Variants in PTPDC1 observed in about 807,000 individuals in gnomAD.
PTPDC1 encodes the protein protein tyrosine phosphatase domain-containing protein 1.
A neutral mutation model predicts 75.3 loss-of-function variants in PTPDC1; 53 were observed. That is an observed-to-expected ratio of 0.70 (90% CI 0.56 to 0.88). The LOEUF (loss-of-function observed/expected upper bound fraction) is 0.88, where lower values mean the gene tolerates loss of function less well. Among genes scored for constraint, PTPDC1 ranks in the 40% least tolerant of loss-of-function variants. The pLI, the probability that PTPDC1 is intolerant of heterozygous loss-of-function variation, is 0.00. For synonymous variants in PTPDC1, 349 were observed against 366.2 expected (o/e 0.95, Z 0.54); for missense variants, 925 against 998.6 (o/e 0.93, Z 0.99).
Position 94,084,755 on chromosome 9 carries a change from C to T in PTPDC1, c.225C>T (p.Phe75=), listed in dbSNP as rs563077003. The T allele has an allele frequency of 5.2e-5, 82 of 1,573,894 alleles. No individual in the cohort carries two copies. Among genetic ancestry groups the T allele is most frequent in the Non-Finnish European group, 6.6e-5 (77 of 1,163,756 alleles). ...SVSHAEGNPT[F]PERKSKGNLE... is the part of the protein sequence containing the mutation. ...GCCATGCAGAGGGAAACCCAACTTT[C>T]CCCGAAAGAAAAAGTAAAGGTCTCT... is the stretch of plus-strand genomic sequence containing the variant. Residue 75 remains phenylalanine, a synonymous_variant, in exon 1 of 9, where the codon TTC becomes TTT. Coordinates refer to ENST00000620992, the MANE Select transcript of PTPDC1 (RefSeq NM_001253829.2).
chr9:94,105,829 T>C (rs1204997172), intron 8 of PTPDC1, among the ~76,000 whole-genome samples: 2 of 150,992 alleles, frequency 1.3e-5, no homozygotes, highest in African/African-American at 4.9e-5. Context: ...AAAAATTAAC[T>C]GGGTATGGTG....
intron 1 of PTPDC1, among the ~76,000 whole-genome samples, chr9:94,044,726 C>CTT (rs71511684): frequency 0.27 from 40,141 of 147,232 alleles, 6,034 homozygotes; most frequent in East Asian, 0.42. Flanking sequence ...ATACCTTTCT[C>CTT]TTTTTTTTTT....
intron 2 of PTPDC1, among the ~76,000 whole-genome samples, chr9:94,077,215 C>T (rs1469730466): frequency 1.3e-5 from 2 of 152,216 alleles, no homozygotes; most frequent in Admixed American, 1.3e-4. Flanking sequence ...TCCTGCTACA[C>T]TCTCATAACA....
chr9:94,042,680 A>C (rs777293515), intron 1 of PTPDC1, among the ~76,000 whole-genome samples: 43 of 152,130 alleles, frequency 2.8e-4, no homozygotes, highest in Non-Finnish European at 4.7e-4. Context: ...GGTGGCTGTG[A>C]CTGTTTCTTA....
chr9:94,107,206 G>A (rs1267405167), intron 8 of PTPDC1, among the ~76,000 whole-genome samples: 1 of 152,082 alleles, frequency 6.6e-6, no homozygotes, highest in African/African-American at 2.4e-5. Context: ...CTCCCACCTC[G>A]GCCTCCTAAA....
upstream of PTPDC1, among the ~76,000 whole-genome samples, chr9:94,080,124 A>G (rs1399072153): frequency 1.3e-5 from 2 of 152,190 alleles, no homozygotes; most frequent in African/African-American, 4.8e-5. Flanking sequence ...TGAGGAGAGC[A>G]TCTACCCAGG....
At chr9:94,058,340 A>G (rs985727289) in intron 1 of PTPDC1, among the ~76,000 whole-genome samples, 2 of 152,176 alleles carry the variant, frequency 1.3e-5, no homozygotes, top group Non-Finnish European at 2.9e-5. Flanking sequence ...GCAAGTAGGT[A>G]GTATGATTAT....
At chr9:94,047,162 T>G (rs1209659410) in intron 1 of PTPDC1, among the ~76,000 whole-genome samples, 5 of 152,240 alleles carry the variant, frequency 3.3e-5, no homozygotes, top group Non-Finnish European at 4.4e-5. Flanking sequence ...GATTTGTGTA[T>G]GTTGAACCAG....
rs1825340240 is a variant in PTPDC1, at chr9:94,038,457, T to A, written c.-7+7330T>A. The A allele has an allele frequency of 1.3e-5, 4 of 316,792 alleles. No individual in the cohort carries two copies. The South Asian group carries it at 1.7e-4, about 14-fold the overall frequency. 19.6% of individuals were successfully genotyped at this position (316,792 alleles called of 1,614,324 possible). ...AGATCGTGAATTACTGACAGAATAT[T>A]TTATTGGGCCGTCCTGATTTAAAAC... On this transcript the variant is annotated intron_variant, in intron 1 of 9. Coordinates refer to the PTPDC1 transcript ENST00000375360.
chr9:94,066,718 C>T (rs1279763240), intron 2 of PTPDC1, among the ~76,000 whole-genome samples: 2 of 151,784 alleles, frequency 1.3e-5, no homozygotes, highest in Non-Finnish European at 2.9e-5. Flanking sequence ...CCACCACGCC[C>T]GGCTCATTTT....
intron 8 of PTPDC1, among the ~76,000 whole-genome samples, chr9:94,106,053 T>C (rs576199726): frequency 6.6e-6 from 1 of 152,252 alleles, no homozygotes; most frequent in East Asian, 1.9e-4. Flanking sequence ...AATATAGTTA[T>C]AGATAAAATT....
Position 94,108,079 on chromosome 9 carries a change from T to G in PTPDC1, c.*135T>G. On this transcript the variant is annotated 3_prime_UTR_variant, in exon 9 of 9. Transcript: ENST00000620992. The stretch of plus-strand genomic sequence containing the variant: ...GAATGTTGTTAGTTTGTGCTGAGAA[T>G]GGTCGTCCGTATTTGAACCAATTAT... The G allele has an allele frequency of 2.3e-6, 1 of 444,068 alleles. No homozygotes were observed. The allele number at this position is 444,068 out of a possible 1,614,324, so 27.5% of individuals were successfully genotyped here.
chr9:94,048,794 G>A (rs1260485078), intron 1 of PTPDC1, among the ~76,000 whole-genome samples: 2 of 151,978 alleles, frequency 1.3e-5, no homozygotes, highest in Admixed American at 1.3e-4. Flanking sequence ...TGTCTAATGG[G>A]GATAGTGGGG....
intron 4 of PTPDC1, among the ~76,000 whole-genome samples, chr9:94,093,151 C>T (rs1478789409): frequency 2.6e-5 from 4 of 152,002 alleles, no homozygotes; most frequent in African/African-American, 9.7e-5. Flanking sequence ...TTATTTTGCT[C>T]GTTAGTTGAT....
At chr9:94,083,888 C>A (rs1219248791), upstream of PTPDC1, among the ~76,000 whole-genome samples, 1 of 152,170 alleles carries the variant, frequency 6.6e-6, no homozygotes, top group Non-Finnish European at 1.5e-5. Flanking sequence ...TAAATGTCTT[C>A]TGATAATATA....
intron 7 of PTPDC1, among the ~76,000 whole-genome samples, chr9:94,102,642 C>T (rs1219630165): frequency 1.3e-5 from 2 of 152,016 alleles, no homozygotes; most frequent in African/African-American, 4.8e-5. Context: ...TGCAATGGCG[C>T]GATCTCAGCT....
At chr9:94,066,869 A>T (rs535766735) in intron 2 of PTPDC1, among the ~76,000 whole-genome samples, 49 of 152,274 alleles carry the variant, frequency 3.2e-4, no homozygotes, top group African/African-American at 1.2e-3. Context: ...TAAAAAAATT[A>T]AAAAATAAAA....
At chr9:94,047,406 A>G (rs1459435076) in intron 1 of PTPDC1, among the ~76,000 whole-genome samples, 1 of 152,216 alleles carries the variant, frequency 6.6e-6, no homozygotes, top group Admixed American at 6.5e-5. Context: ...TCTCTGGGAC[A>G]CATTCAAAGC....
In PTPDC1 at chr9:94,097,849, A is replaced by G; in HGVS notation, c.1283A>G (p.Lys428Arg). The G allele has an allele frequency of 6.2e-7, 1 of 1,614,198 alleles. No homozygotes were observed. Among genetic ancestry groups the G allele is most frequent in the Non-Finnish European group, 8.5e-7 (1 of 1,180,038 alleles). ...SNEQQFDPLW[K>R]RRNVECLQPL... is the part of the protein sequence containing the mutation. ...GAGCAACAGTTTGACCCTCTTTGGA[A>G]AAGGCGGAATGTTGAGTGCCTTCAA... The change falls in exon 6 of 9, where the codon AAA becomes AGA. Residue 428 changes from lysine (K) to arginine (R), a missense_variant. By Grantham distance (26) the Lys-to-Arg change is conservative. Transcript: ENST00000620992.
Sources: allele counts gnomAD v4.1 joint callset (sites outside exome capture counted in the v4.1 genomes callset), GRCh38; gene constraint gnomAD v4.1.1; transcripts MANE v1.5; gene names NCBI Gene and HGNC (gene_info 2026-07-23, HGNC 2026-07-21).